TARS3: variants seen among roughly 807,000 people sequenced by gnomAD.
The protein encoded by TARS3 is threonyl-tRNA synthetase 3, also known as threonine--tRNA ligase 2, cytoplasmic.
TARS3 carries 94 observed loss-of-function variants against 103.5 expected under a neutral mutation model. That is an observed-to-expected ratio of 0.91 (90% CI 0.77 to 1.08). TARS3 has a LOEUF of 1.08. Among genes scored for constraint, TARS3 ranks in the 50% least tolerant of loss-of-function variants. The pLI, the probability that TARS3 is intolerant of heterozygous loss-of-function variation, is 0.00. For missense variants in TARS3, 952 were observed against 995.2 expected, an observed-to-expected ratio of 0.96 and a Z score of 0.58; for synonymous variants, 416 against 355.4, an observed-to-expected ratio of 1.17 and a Z score of -1.92.
chr15:101,700,029 A>G (rs564125417), intron 10 of TARS3, among the ~76,000 whole-genome samples: 1 of 152,134 alleles, frequency 6.6e-6, no homozygotes, highest in Non-Finnish European at 1.5e-5. Flanking sequence ...GTAGGACCAA[A>G]TTTGAAAAAA....
intron 18 of TARS3, among the ~76,000 whole-genome samples, chr15:101,656,432 C>G (rs1399432517): frequency 6.6e-6 from 1 of 152,164 alleles, no homozygotes; most frequent in East Asian, 1.9e-4. Flanking sequence ...ATTTTTAAAG[C>G]CTAAATTTTA....
At chr15:101,704,902 A>G (rs1899475749) in intron 7 of TARS3, among the ~76,000 whole-genome samples, 1 of 152,204 alleles carries the variant, frequency 6.6e-6, no homozygotes, top group Non-Finnish European at 1.5e-5. Context: ...CAAAGGGGAT[A>G]TGATTTTACT....
At chr15:101,709,043 C>T (rs1009558328) in intron 5 of TARS3, 133 bp from the exon 6 acceptor site, 8 of 622,452 alleles carry the variant, frequency 1.3e-5, no homozygotes, top group African/African-American at 3.8e-5. Context: ...GAAAGTCAAA[C>T]GTTCATACAG....
chr15:101,691,710 C>T (rs1035393837), intron 10 of TARS3, among the ~76,000 whole-genome samples: 2 of 152,184 alleles, frequency 1.3e-5, no homozygotes, highest in Non-Finnish European at 2.9e-5. Flanking sequence ...AATTACTTAA[C>T]AAAACTCCCT....
At chr15:101,677,306 T>C (rs1263454703) in intron 12 of TARS3, among the ~76,000 whole-genome samples, 1 of 152,142 alleles carries the variant, frequency 6.6e-6, no homozygotes, top group African/African-American at 2.4e-5. Context: ...GGAATAGAAC[T>C]CAAAGGCAGA....
intron 12 of TARS3, among the ~76,000 whole-genome samples, chr15:101,677,757 C>T (rs993508621): frequency 4.7e-5 from 7 of 149,948 alleles, no homozygotes; most frequent in African/African-American, 1.7e-4. Context: ...CTCAGCCTCC[C>T]AAAGTGCTGG....
Position 101,675,665 on chromosome 15 carries a change from A to C in TARS3, c.1723T>G (p.Leu575Val). Reference sequence around the variant, plus strand: ...TTTTCCGGCCTTGTTGACAGGTTTAATTGAAAGGAGAAGCCAAATGTTGAG... The same window carrying C: ...TTTTCCGGCCTTGTTGACAGGTTTACTTGAAAGGAGAAGCCAAATGTTGAG... ...VYSTFGFSFQLNLSTRPENFL... is the reference protein window; with the variant it reads ...VYSTFGFSFQVNLSTRPENFL... Residue 575 changes from leucine (L) to valine (V), a missense_variant, in exon 13 of 19, where the codon TTA (leucine) becomes GTA (valine). Physicochemically the swap from Leu to Val is conservative, Grantham distance 32 (BLOSUM62 1). Around this residue, in one of 2 missense-constraint regions of TARS3, gnomAD observed 540 missense variants for 631.0 expected, o/e 0.86. Transcript: ENST00000335968. The C allele has an allele frequency of 6.2e-7, 1 of 1,614,140 alleles. No homozygotes were observed. Among genetic ancestry groups the C allele is most frequent in the Non-Finnish European group, 8.5e-7 (1 of 1,180,004 alleles).
At chr15:101,703,304 A>T (rs1899374866) in intron 8 of TARS3, among the ~76,000 whole-genome samples, 1 of 152,212 alleles carries the variant, frequency 6.6e-6, no homozygotes. Flanking sequence ...TAGTGTATGA[A>T]AAAGGCCAGG....
chr15:101,655,300 C>T (rs1266384358), intron 18 of TARS3, among the ~76,000 whole-genome samples: 7 of 128,212 alleles, frequency 5.5e-5, no homozygotes, highest in Admixed American at 3.9e-4. Context: ...GGCACTAGGG[C>T]GCAGATGAGA....
chr15:101,718,293 G>A (rs956075204), intron 3 of TARS3, among the ~76,000 whole-genome samples: 2 of 152,196 alleles, frequency 1.3e-5, no homozygotes, highest in South Asian at 4.2e-4. Context: ...GCTTGAAACC[G>A]GAGGGCGGAG....
At chr15:101,711,024 G>A (rs1016955688) in intron 5 of TARS3, among the ~76,000 whole-genome samples, 1 of 152,164 alleles carries the variant, frequency 6.6e-6, no homozygotes, top group Non-Finnish European at 1.5e-5. Context: ...TCAAGCATAG[G>A]CCTATGGAAT....
At chr15:101,685,114 AG>A (rs1242578166) in intron 11 of TARS3, among the ~76,000 whole-genome samples, 1 of 152,228 alleles carries the variant, frequency 6.6e-6, no homozygotes, top group East Asian at 1.9e-4. Flanking sequence ...TTCACTTAAA[AG>A]GGCAAAGAGC....
rs1900632409 is a variant in TARS3 at position 101,724,031 on chromosome 15, T to C, written c.297+60A>G. The C allele has an allele frequency of 1.8e-5, 24 of 1,312,032 alleles. No homozygotes were observed. In the East Asian group the frequency reaches 1.9e-4, roughly 10 times the overall value. 81.3% of individuals were successfully genotyped at this position (1,312,032 alleles called of 1,614,324 possible). Reference sequence around the variant, plus strand: ...GCCCCCGCAGTTGAAAACCTTTCGGTGCGCACCGTCTCGGCCCGCCCCGCC... The same window carrying C: ...GCCCCCGCAGTTGAAAACCTTTCGGCGCGCACCGTCTCGGCCCGCCCCGCC... On this transcript the variant is annotated intron_variant, in intron 1 of 18. Transcript: ENST00000335968.
rs1900566448 is a variant in TARS3, at chr15:101,723,010, T to C, written c.369+83A>G. On this transcript the variant is annotated intron_variant, in intron 2 of 18. Transcript: ENST00000335968. ...ATAATAATTTAATCAGTAATTTTTA[T>C]TGGAAATCCTAGGTAATTAACTATA... is the stretch of plus-strand genomic sequence containing the variant. The C allele has an allele frequency of 7.1e-6, 9 of 1,266,324 alleles. No individual in the cohort carries two copies. In the South Asian group the frequency reaches 1.1e-4, roughly 16 times the overall value. The allele number at this position is 1,266,324 out of a possible 1,614,324, so 78.4% of individuals were successfully genotyped here. A position where few individuals can be genotyped will look rare whatever the true frequency, so the allele number is the denominator to read the frequency against.
Position 101,654,607 on chromosome 15 carries a change from GTCCGTGTCT to G in TARS3, c.2375_2383del (p.Lys792_Arg794del). The G allele has an allele frequency of 6.2e-7, 1 of 1,614,084 alleles. No homozygotes were observed. Among genetic ancestry groups the G allele is most frequent in the Non-Finnish European group, 8.5e-7 (1 of 1,180,008 alleles). On this transcript the variant is annotated inframe_deletion, in exon 19 of 19. Coordinates refer to ENST00000335968, the MANE Select transcript of TARS3 (RefSeq NM_152334.3). ...TCAAAAGGCCTCCTCAGCATTGAGT[GTCCGTGTCT>G]TCCTGAGATTCTTCAGTTTATCAAT...
intron 6 of TARS3, among the ~76,000 whole-genome samples, chr15:101,707,701 G>T (rs569844456): frequency 6.6e-6 from 1 of 152,086 alleles, no homozygotes; most frequent in East Asian, 1.9e-4. Context: ...GGGGCAGGGC[G>T]GGAATGGGGA....
intron 12 of TARS3, among the ~76,000 whole-genome samples, chr15:101,683,379 G>C (rs1243073742): frequency 6.6e-6 from 1 of 152,120 alleles, no homozygotes; most frequent in Non-Finnish European, 1.5e-5. Flanking sequence ...GTTAGGATTA[G>C]GGTTAAACAT....
chr15:101,661,815 T>C lies in TARS3; in HGVS notation c.1969A>G (p.Lys657Glu), dbSNP rs1222040593. 6.4e-7 allele frequency: 1 copy of C among 1,560,360 alleles called. No homozygotes were observed. The highest frequency in any genetic ancestry group is 2.3e-5 in the East Asian group (1 of 44,016). ...PIRFNLTYVSKDGDDKKRPVI... is the reference protein window; with the variant it reads ...PIRFNLTYVSEDGDDKKRPVI... ...GGTCTCTTCTTATCATCCCCATCCT[T>C]ACTAAAAAATGAAAATTATACATTT... The change falls in exon 16 of 19, where the codon AAG becomes GAG. Residue 657 changes from lysine to glutamate, a missense_variant and splice_region_variant. Lys to Glu is a moderately conservative substitution (Grantham distance 56). Coordinates refer to ENST00000335968, the MANE Select transcript of TARS3 (RefSeq NM_152334.3).
At chr15:101,709,031 C>T (rs1899723053) in intron 5 of TARS3, 121 bp from the exon 6 acceptor site, 3 of 663,918 alleles carry the variant, frequency 4.5e-6, no homozygotes, top group Non-Finnish European at 7.6e-6. Context: ...TCCAGGACTT[C>T]AGAAAGTCAA....
Sources: allele counts gnomAD v4.1 joint callset (sites outside exome capture counted in the v4.1 genomes callset), GRCh38; gene constraint gnomAD v4.1.1; regional missense constraint gnomAD v4.1.1; transcripts MANE v1.5; gene names NCBI Gene and HGNC (gene_info 2026-07-23, HGNC 2026-07-21).